The following PRKAG2 variants were observed in gnomAD, a reference collection of about 807,000 sequenced individuals.
PRKAG2 encodes 5'-AMP-activated protein kinase subunit gamma-2.
In PRKAG2, 26 loss-of-function variants were observed where a neutral mutation model predicts 69.6. The observed-to-expected ratio is 0.37, with a 90% CI of 0.27 to 0.52. The LOEUF is 0.52. Among genes scored for constraint, PRKAG2 ranks in the 20% least tolerant of loss-of-function variants. The pLI is 0.90. For missense variants in PRKAG2, 557 were observed against 740.0 expected (o/e 0.75, Z 2.87); for synonymous variants, 293 against 285.0 (o/e 1.03, Z -0.28).
At chr7:151,707,966 G>C (rs546777393) in intron 3 of PRKAG2, among the ~76,000 whole-genome samples, 1 of 152,230 alleles carries the variant, frequency 6.6e-6, no homozygotes, top group East Asian at 1.9e-4. Flanking sequence ...GACGGGGCAG[G>C]GGAGGACGCA....
intron 3 of PRKAG2, among the ~76,000 whole-genome samples, chr7:151,682,092 C>T (rs1427542748): frequency 6.6e-6 from 1 of 152,188 alleles, no homozygotes; most frequent in African/African-American, 2.4e-5. Flanking sequence ...GTGACTTCTA[C>T]TCAGGTTTAT....
At chr7:151,588,929 G>A (rs1812358612) in intron 6 of PRKAG2, among the ~76,000 whole-genome samples, 1 of 152,220 alleles carries the variant, frequency 6.6e-6, no homozygotes, top group East Asian at 1.9e-4. Context: ...GGAAGGGGAT[G>A]TCCCCCCTCT....
chr7:151,669,334 A>G (rs1253985720), intron 4 of PRKAG2, among the ~76,000 whole-genome samples: 2 of 152,206 alleles, frequency 1.3e-5, no homozygotes, highest in African/African-American at 4.8e-5. Context: ...CGACCCTGCC[A>G]CTAAAAGTAT....
intron 4 of PRKAG2, among the ~76,000 whole-genome samples, chr7:151,643,659 A>G (rs965185608): frequency 3.9e-5 from 6 of 152,338 alleles, no homozygotes; most frequent in South Asian, 4.2e-4. Context: ...GTCTTCATTT[A>G]CTATCCACAG....
chr7:151,655,318 G>A (rs554868324), intron 4 of PRKAG2, among the ~76,000 whole-genome samples: 29 of 152,150 alleles, frequency 1.9e-4, no homozygotes, highest in Non-Finnish European at 3.7e-4. Flanking sequence ...TTAGATATGA[G>A]CTGATCGCTC....
chr7:151,699,948 C>T lies in PRKAG2; in HGVS notation c.467-24311G>A, dbSNP rs1837396821. ...CACAGGCGGCCGCAGATGGGTGCCC[C>T]CACATTGCAGAAACAGCCTCAACAG... On this transcript the variant is annotated intron_variant, in intron 3 of 15. Transcript: ENST00000287878. This position sits in a 1 kb window ranked among gnomAD's most constrained non-coding sequence, Gnocchi z 4.5. Among the ~76,000 whole-genome samples, 1 of 152,114 alleles carries T rather than the reference C, an allele frequency of 6.6e-6. No homozygotes were observed. Among genetic ancestry groups the T allele is most frequent in the African/African-American group, 2.4e-5 (1 of 41,424 alleles).
chr7:151,787,379 T>G (rs545119202), intron 1 of PRKAG2, among the ~76,000 whole-genome samples: 1 of 140,674 alleles, frequency 7.1e-6, no homozygotes, highest in African/African-American at 2.7e-5. Flanking sequence ...CCCCTCCCCC[T>G]CCCCCTAGTG....
chr7:151,650,634 G>T (rs1304282125), intron 4 of PRKAG2, among the ~76,000 whole-genome samples: 1 of 152,166 alleles, frequency 6.6e-6, no homozygotes. Context: ...CAACACTAAG[G>T]CGTCATTTGC....
intron 1 of PRKAG2, among the ~76,000 whole-genome samples, chr7:151,855,226 C>T (rs1207574839): frequency 1.7e-5 from 2 of 116,454 alleles, no homozygotes; most frequent in East Asian, 7.1e-4. Context: ...ACACCACGCT[C>T]CACACACACC....
chr7:151,586,978 C>T lies in PRKAG2; in HGVS notation c.864+8367G>A, dbSNP rs113932796. 8.9e-3 allele frequency among the ~76,000 whole-genome samples: 1,348 copies of T among 152,160 alleles called. 30 individuals carry two copies. Among genetic ancestry groups the T allele is most frequent in the African/African-American group, 0.031 (1,285 of 41,522 alleles). The stretch of plus-strand genomic sequence containing the variant: ...GAGTTCGAGACCAGACTGGCCAACA[C>T]GGTGAAACCAAGCCTTTACTAAAAA... On this transcript the variant is annotated intron_variant, in intron 6 of 15. Coordinates refer to ENST00000287878, the MANE Select transcript of PRKAG2 (RefSeq NM_016203.4).
intron 3 of PRKAG2, among the ~76,000 whole-genome samples, chr7:151,745,154 G>A (rs1020740886): frequency 3.9e-5 from 6 of 152,142 alleles, no homozygotes; most frequent in African/African-American, 1.4e-4. Flanking sequence ...AAAACTTCCC[G>A]CTCATCCTGA....
intron 1 of PRKAG2, among the ~76,000 whole-genome samples, chr7:151,789,888 T>C (rs568741516): frequency 2.0e-5 from 3 of 152,262 alleles, no homozygotes; most frequent in South Asian, 4.1e-4. Context: ...CCAAGCCCCA[T>C]AGATGAACTG....
chr7:151,573,529 C>T (rs1349012123), intron 8 of PRKAG2, among the ~76,000 whole-genome samples: 1 of 151,688 alleles, frequency 6.6e-6, no homozygotes, highest in Non-Finnish European at 1.5e-5. Flanking sequence ...TTAGACATAA[C>T]TGCTTTTTTG....
chr7:151,732,143 T>C (rs1799047386), intron 3 of PRKAG2, among the ~76,000 whole-genome samples: 1 of 149,564 alleles, frequency 6.7e-6, no homozygotes, highest in South Asian at 2.2e-4. Context: ...CTTTTTTTTT[T>C]TTTTTTTTTT....
chr7:151,784,273 C>A (rs2076886304), intron 2 of PRKAG2, among the ~76,000 whole-genome samples: 1 of 152,162 alleles, frequency 6.6e-6, no homozygotes, highest in Admixed American at 6.5e-5. Context: ...GGACCTGGTG[C>A]ATGGACGTGC....
chr7:151,832,591 T>C (rs1378017087), intron 1 of PRKAG2, among the ~76,000 whole-genome samples: 2 of 17,568 alleles, frequency 1.1e-4, no homozygotes, highest in Non-Finnish European at 4.9e-4. Context: ...CACTGAGGCA[T>C]CTCTGGGGGG....
At chr7:151,802,962 A>ATATATT (rs1554605694) in intron 1 of PRKAG2, among the ~76,000 whole-genome samples, 5 of 131,572 alleles carry the variant, frequency 3.8e-5, no homozygotes, top group African/African-American at 1.2e-4. Flanking sequence ...ATATATATAT[A>ATATATT]TTTTTTTTTT....
Position 151,756,176 on chromosome 7 carries a change from G to A in PRKAG2, c.466+24976C>T, listed in dbSNP as rs943905260. On this transcript the variant is annotated intron_variant, in intron 3 of 15. Coordinates refer to ENST00000287878, the MANE Select transcript of PRKAG2 (RefSeq NM_016203.4). This position sits in a 1 kb window ranked among gnomAD's most constrained non-coding sequence, Gnocchi z 4.9. ...TCTGCACCATCGGTACAGTCCCACA[G>A]GCCCCTGTGGCCTCCCTGAAAGTGA... 8.5e-5 allele frequency among the ~76,000 whole-genome samples: 13 copies of A among 152,142 alleles called. No individual in the cohort carries two copies. The highest frequency in any genetic ancestry group is 3.1e-4 in the African/African-American group (13 of 41,422).
At chr7:151,874,186 GTATATGTA>G (rs2080304534) in intron 1 of PRKAG2, among the ~76,000 whole-genome samples, 1 of 134,206 alleles carries the variant, frequency 7.5e-6, no homozygotes, top group Admixed American at 7.5e-5. Flanking sequence ...ATATGTATAT[GTATATGTA>G]TATGATGTAT....
Sources: allele counts gnomAD v4.1 joint callset (sites outside exome capture counted in the v4.1 genomes callset), GRCh38; gene constraint gnomAD v4.1.1; non-coding constraint Gnocchi (gnomAD v3.1); transcripts MANE v1.5; gene names NCBI Gene and HGNC (gene_info 2026-07-23, HGNC 2026-07-21).